The following COPZ2 variants were observed in gnomAD, a reference collection of about 807,000 sequenced individuals.
COPZ2 encodes coat protein complex I subunit zeta 2.
In COPZ2, 30 loss-of-function variants were observed where a neutral mutation model predicts 33.2. The observed-to-expected ratio is 0.90, with a 90% CI of 0.68 to 1.23. The LOEUF (loss-of-function observed/expected upper bound fraction) is 1.23. COPZ2 is among the 50% of genes most tolerant of loss of function. The pLI, the probability that COPZ2 is intolerant of heterozygous loss-of-function variation, is 0.00. For synonymous variants in COPZ2, 89 were observed against 102.6 expected (o/e 0.87, Z 0.80); for missense variants, 263 against 262.4 (o/e 1.00, Z -0.02).
upstream of COPZ2, among the ~76,000 whole-genome samples, chr17:48,039,302 C>G (rs1157475944): frequency 6.6e-6 from 1 of 151,770 alleles, no homozygotes; most frequent in Non-Finnish European, 1.5e-5. Context: ...AAGATCTAGT[C>G]TCTACTAAAA....
the COPZ2 span, among the ~76,000 whole-genome samples, chr17:48,043,807 G>A: frequency 3.9e-5 from 6 of 152,106 alleles, no homozygotes; most frequent in Non-Finnish European, 7.3e-5. Flanking sequence ...CCAGATTTTC[G>A]AACCCACCTA....
chr17:48,044,142 T>G, the COPZ2 span, among the ~76,000 whole-genome samples: 4 of 151,996 alleles, frequency 2.6e-5, no homozygotes, highest in Non-Finnish European at 5.9e-5. Context: ...AGGTCAGGAG[T>G]TTGAGACCAG....
At chr17:48,047,797 G>T in the COPZ2 span, 2 of 152,260 alleles carry the variant, frequency 1.3e-5, no homozygotes, top group African/African-American at 4.8e-5. Context: ...TTGGGGTACC[G>T]GTTTCCGCCG....
In COPZ2 at chr17:48,029,978, A is replaced by T. The variant is rs1324992789; in HGVS notation, c.495-802T>A. 7.8e-5 allele frequency among the ~76,000 whole-genome samples: 11 copies of T among 141,138 alleles called. No homozygotes were observed. In the East Asian group the frequency reaches 1.1e-3, roughly 14 times the overall value. 92.6% of individuals were successfully genotyped at this position (141,138 alleles called of 152,430 possible). Reference sequence around the variant, plus strand: ...GTGAGACTCTGTCTAAAAAAAAAAAATTTTTTTTTTAAATCTTCCCTTTTA... The same window carrying T: ...GTGAGACTCTGTCTAAAAAAAAAAATTTTTTTTTTTAAATCTTCCCTTTTA... On this transcript the variant is annotated intron_variant, in intron 6 of 8. Transcript: ENST00000621465.
upstream of COPZ2, among the ~76,000 whole-genome samples, chr17:48,041,116 C>T (rs1055879289): frequency 2.1e-4 from 29 of 139,636 alleles, no homozygotes; most frequent in African/African-American, 7.6e-4. Context: ...CACACCACTG[C>T]AGCCTCAGCA....
At chr17:48,032,846 A>G in intron 4 of COPZ2, 105 bp from the exon 5 acceptor site, 2 of 903,898 alleles carry the variant, frequency 2.2e-6, no homozygotes, top group Admixed American at 4.2e-5. Context: ...AGAGTTTCAG[A>G]GGCCTGGGCT....
chr17:48,041,703 C>G (rs1226665286), upstream of COPZ2, among the ~76,000 whole-genome samples: 1 of 152,108 alleles, frequency 6.6e-6, no homozygotes, highest in Non-Finnish European at 1.5e-5. Context: ...CTTCGGATTC[C>G]AGATCATCAG....
In COPZ2 at chr17:48,037,019, C is replaced by A; in HGVS notation, c.112-94G>T. 9.4e-7 allele frequency: 1 copy of A among 1,061,154 alleles called. No homozygotes were observed. Among genetic ancestry groups the A allele is most frequent in the Non-Finnish European group, 1.5e-6 (1 of 685,856 alleles). The allele number at this position is 1,061,154 out of a possible 1,614,324, so 65.7% of individuals were successfully genotyped here. On this transcript the variant is annotated intron_variant, in intron 1 of 8. Coordinates refer to ENST00000621465, the MANE Select transcript of COPZ2 (RefSeq NM_016429.4). This position sits in a 1 kb window ranked among gnomAD's most constrained non-coding sequence, Gnocchi z 5.6. ...GCTGGCCCTAGGATACATCCTCAGG[C>A]CCCAGCAACCCCAGTCCTCAAGGTC...
chr17:48,034,658 A>G (rs919788597), intron 2 of COPZ2, among the ~76,000 whole-genome samples: 4 of 152,108 alleles, frequency 2.6e-5, no homozygotes, highest in Non-Finnish European at 4.4e-5. Context: ...TATTATCCCC[A>G]TTACACGGAT....
chr17:48,037,369 A>C lies in COPZ2; in HGVS notation c.111+298T>G. 3.0e-6 allele frequency: 1 copy of C among 329,666 alleles called. No homozygotes were observed. Among genetic ancestry groups the C allele is most frequent in the Admixed American group, 4.7e-5 (1 of 21,454 alleles). The allele number at this position is 329,666 out of a possible 1,614,324, so 20.4% of individuals were successfully genotyped here. On this transcript the variant is annotated intron_variant, in intron 1 of 8. Transcript: ENST00000621465. This position sits in a 1 kb window ranked among gnomAD's most constrained non-coding sequence, Gnocchi z 5.6. ...ATGCCCATCACCCACCGGTGATGGG[A>C]GCCGAGTCTGGGACGGACAGGCCAC...
chr17:48,033,407 T>C, intron 3 of COPZ2, 105 bp from the exon 4 acceptor site: 2 of 719,362 alleles, frequency 2.8e-6, no homozygotes, highest in South Asian at 3.1e-5. Flanking sequence ...TTCTCCCCTT[T>C]CTGGAGAACC....
rs777360049 is a variant in COPZ2, at chr17:48,028,460, A to AG, written c.585+11dup. On this transcript the variant is annotated intron_variant, in intron 8 of 8. Transcript: ENST00000621465. This position sits in a 1 kb window ranked among gnomAD's most constrained non-coding sequence, Gnocchi z 4.5. ...GACCATTTCTAGCCAAGGCAGATGC[A>AG]GGGGGGCCTACCTGGGCCACACTCT... 213 of 1,607,958 alleles carry AG rather than the reference A, an allele frequency of 1.3e-4. No homozygotes were observed. The highest frequency in any genetic ancestry group is 5.0e-4 in the Middle Eastern group (3 of 6,048).
At chr17:48,038,749 C>T (rs546605514), upstream of COPZ2, among the ~76,000 whole-genome samples, 6 of 152,142 alleles carry the variant, frequency 3.9e-5, no homozygotes, top group Non-Finnish European at 8.8e-5. Flanking sequence ...TCTTCAAGCC[C>T]TCTTATGTTG....
At chr17:48,032,556 C>G in intron 5 of COPZ2, 130 bp downstream of exon 5, 1 of 781,246 alleles carries the variant, frequency 1.3e-6, no homozygotes, top group Non-Finnish European at 2.1e-6. Context: ...TTCATTGTGT[C>G]GACTGTGAAC....
In COPZ2 at chr17:48,034,038, C is replaced by T. The variant is rs540893752; in HGVS notation, c.187-94G>A. 1.1e-3 allele frequency: 859 copies of T among 817,514 alleles called. 11 individuals carry two copies. The highest frequency in any genetic ancestry group is 3.1e-4 in the Admixed American group (15 of 48,472). The allele number at this position is 817,514 out of a possible 1,614,324, so 50.6% of individuals were successfully genotyped here. A position where few individuals can be genotyped will look rare whatever the true frequency, so the allele number is the denominator to read the frequency against. ...CAGGAAAGAGTAGGCGCTGGGCAAG[C>T]GGGATCCTGCTTCCCTGCCCCATCT... On this transcript the variant is annotated intron_variant, in intron 2 of 8. Coordinates refer to ENST00000621465, the MANE Select transcript of COPZ2 (RefSeq NM_016429.4).
At chr17:48,032,843 C>G (rs1366520311) in intron 4 of COPZ2, 102 bp from the exon 5 acceptor site, 7 of 932,926 alleles carry the variant, frequency 7.5e-6, no homozygotes, top group Non-Finnish European at 1.2e-5. Context: ...TGGAGAGTTT[C>G]AGAGGCCTGG....
At chr17:48,045,556 T>A in the COPZ2 span, 2 of 152,330 alleles carry the variant, frequency 1.3e-5, no homozygotes, top group Non-Finnish European at 2.9e-5. Flanking sequence ...GTTTTATAGT[T>A]AGCTGGCCCC....
At chr17:48,047,250 A>G in the COPZ2 span, 1 of 152,186 alleles carries the variant, frequency 6.6e-6, no homozygotes, top group African/African-American at 2.4e-5. Context: ...AGTTGAGTTG[A>G]CACCTCTTTG....
chr17:48,047,447 G>A, the COPZ2 span: 1 of 152,276 alleles, frequency 6.6e-6, no homozygotes, highest in Non-Finnish European at 1.5e-5. Flanking sequence ...AGTGATGCTG[G>A]GAGTAAACTA....
Sources: gnomAD v4.1 joint callset for allele counts (sites outside exome capture counted in the v4.1 genomes callset) on GRCh38, gnomAD v4.1.1 for gene constraint, Gnocchi (gnomAD v3.1) non-coding constraint, MANE v1.5 for transcripts, NCBI Gene and HGNC (gene_info 2026-07-23, HGNC 2026-07-21) for gene names.